Variants in ACAD11 observed in about 807,000 individuals in gnomAD.
The protein encoded by ACAD11 is acyl-Coenzyme A dehydrogenase family, member 11.
In ACAD11, 83 loss-of-function variants were observed where a neutral mutation model predicts 102.2. The observed-to-expected ratio is 0.81, with a 90% CI of 0.68 to 0.97. ACAD11 has a LOEUF of 0.97. Among genes scored for constraint, ACAD11 ranks in the 50% least tolerant of loss-of-function variants. ACAD11 has a pLI of 0.00. For missense variants in ACAD11, 901 were observed against 951.7 expected (o/e 0.95, Z 0.70); for synonymous variants, 324 against 319.8 (o/e 1.01, Z -0.14).
chr3:132,628,566 C>T (rs1939913579), intron 7 of ACAD11, 120 bp from the exon 8 acceptor site: 2 of 638,052 alleles, frequency 3.1e-6, no homozygotes, highest in Admixed American at 3.1e-5. Context: ...AGACGTAAAA[C>T]AGACTATCGA....
chr3:132,608,423 G>A (rs986251919), intron 11 of ACAD11, among the ~76,000 whole-genome samples: 7 of 152,092 alleles, frequency 4.6e-5, no homozygotes, highest in African/African-American at 1.7e-4. Context: ...TAAAGGGATG[G>A]AGGAAGATTT....
intron 13 of ACAD11, among the ~76,000 whole-genome samples, chr3:132,585,731 C>A (rs908787147): frequency 2.0e-5 from 3 of 152,146 alleles, no homozygotes; most frequent in Admixed American, 2.0e-4. Flanking sequence ...CCAAAAGACA[C>A]ATGAAAAAAT....
chr3:132,646,363 T>C (rs1051925177), intron 1 of ACAD11: 1 of 152,190 alleles, frequency 6.6e-6, no homozygotes, highest in Non-Finnish European at 1.5e-5. Flanking sequence ...CCTCCCAAAG[T>C]GCTGGGATTA....
intron 11 of ACAD11, among the ~76,000 whole-genome samples, chr3:132,615,983 G>A (rs1192264678): frequency 2.6e-5 from 4 of 152,168 alleles, no homozygotes; most frequent in Non-Finnish European, 1.5e-5. Context: ...TTTGGGAAAT[G>A]ATCTGGGTGG....
chr3:132,610,596 T>C (rs1352386365), intron 11 of ACAD11, among the ~76,000 whole-genome samples: 1 of 152,058 alleles, frequency 6.6e-6, no homozygotes, highest in Non-Finnish European at 1.5e-5. Context: ...TATGAACACC[T>C]CTATGCAAAT....
chr3:132,612,922 C>T (rs1198467125), intron 11 of ACAD11, among the ~76,000 whole-genome samples: 1 of 151,998 alleles, frequency 6.6e-6, no homozygotes, highest in South Asian at 2.1e-4. Context: ...AAGGCACATG[C>T]ACACGTATGT....
intron 17 of ACAD11, among the ~76,000 whole-genome samples, chr3:132,566,412 T>A (rs1937214972): frequency 6.6e-6 from 1 of 151,854 alleles, no homozygotes; most frequent in Admixed American, 6.6e-5. Context: ...CTGAAAAAGT[T>A]TGAAGAAACA....
chr3:132,579,670 G>T (rs1208545661), intron 13 of ACAD11, 112 bp from the exon 14 acceptor site: 2 of 743,986 alleles, frequency 2.7e-6, no homozygotes, highest in African/African-American at 1.8e-5. Context: ...CAAATAGAGA[G>T]AACATTCCTG....
intron 6 of ACAD11, among the ~76,000 whole-genome samples, 178 bp downstream of exon 6, chr3:132,631,162 AT>A (rs1168749577): frequency 2.6e-5 from 4 of 152,126 alleles, no homozygotes; most frequent in Admixed American, 2.6e-4. Flanking sequence ...ATAAAAATAA[AT>A]TAAAAAAAAG....
intron 11 of ACAD11, among the ~76,000 whole-genome samples, chr3:132,606,646 G>T (rs929055156): frequency 6.6e-6 from 1 of 152,210 alleles, no homozygotes; most frequent in African/African-American, 2.4e-5. Context: ...GCTTATAGAC[G>T]AAACTCCCAT....
intron 1 of ACAD11, chr3:132,648,397 T>C (rs567574031): frequency 9.8e-5 from 15 of 152,314 alleles, no homozygotes; most frequent in African/African-American, 2.4e-4. Context: ...AATTTATCCA[T>C]AGAGCAGGAG....
At chr3:132,600,425 G>C (rs761684366) in intron 13 of ACAD11, 2 of 1,604,564 alleles carry the variant, frequency 1.2e-6, no homozygotes, top group South Asian at 1.1e-5. Flanking sequence ...CCAGTCAACA[G>C]ATTATTATTA....
At chr3:132,591,609 GC>G (rs1938077294) in intron 13 of ACAD11, among the ~76,000 whole-genome samples, 1 of 151,982 alleles carries the variant, frequency 6.6e-6, no homozygotes, top group Non-Finnish European at 1.5e-5. Flanking sequence ...AAAAATGTTG[GC>G]CGGGCATGAT....
intron 1 of ACAD11, chr3:132,645,733 C>G (rs1940691729): frequency 6.6e-6 from 1 of 152,234 alleles, no homozygotes; most frequent in Admixed American, 6.5e-5. Flanking sequence ...AAAAAACAAG[C>G]ATGAGCCTAG....
intron 12 of ACAD11, 141 bp from the exon 13 acceptor site, chr3:132,603,468 T>C (rs1036640330): frequency 1.5e-6 from 1 of 661,656 alleles, no homozygotes; most frequent in African/African-American, 1.8e-5. Context: ...GCTTTTCCCA[T>C]AACCTACACA....
chr3:132,636,202 C>G (rs1004364671), intron 5 of ACAD11, among the ~76,000 whole-genome samples: 10 of 152,054 alleles, frequency 6.6e-5, no homozygotes, highest in Non-Finnish European at 1.5e-4. Context: ...CTGTTGATGC[C>G]TGTTTGTGTT....
chr3:132,583,617 C>G (rs943541659), intron 13 of ACAD11, among the ~76,000 whole-genome samples: 2 of 152,036 alleles, frequency 1.3e-5, no homozygotes, highest in Admixed American at 1.3e-4. Context: ...GCTCTTGCTT[C>G]TCTAGTTCTT....
At chr3:132,570,249 T>G (rs1302193729) in intron 17 of ACAD11, among the ~76,000 whole-genome samples, 2 of 151,378 alleles carry the variant, frequency 1.3e-5, no homozygotes, top group Non-Finnish European at 2.9e-5. Context: ...CTCTAAGGAG[T>G]TTTTTGGTTT....
intron 13 of ACAD11, chr3:132,600,252 A>G: frequency 1.4e-6 from 1 of 710,626 alleles, no homozygotes; most frequent in Non-Finnish European, 2.3e-6. Context: ...AGCATTTCAA[A>G]GAGTGCTAGA....
Sources: allele counts gnomAD v4.1 joint callset (sites outside exome capture counted in the v4.1 genomes callset), GRCh38; gene constraint gnomAD v4.1.1; transcripts MANE v1.5; gene names NCBI Gene and HGNC (gene_info 2026-07-23, HGNC 2026-07-21).